KAT6A: variants seen among roughly 807,000 people sequenced by gnomAD.
The protein encoded by KAT6A is histone acetyltransferase KAT6A.
KAT6A carries 9 observed loss-of-function variants against 198.4 expected under a neutral mutation model. That is an observed-to-expected ratio of 0.05 (90% CI 0.03 to 0.08). KAT6A has a LOEUF of 0.08. Ranked by LOEUF, KAT6A falls within the 10% of genes least tolerant of loss-of-function variation. The pLI is 1.00. For synonymous variants in KAT6A, 890 were observed against 883.0 expected (o/e 1.01, Z -0.14); for missense variants, 2,077 against 2,509.9 (o/e 0.83, Z 3.69).
intron 8 of KAT6A, among the ~76,000 whole-genome samples, chr8:41,962,301 T>C (rs936333046): frequency 1.3e-5 from 2 of 152,124 alleles, no homozygotes; most frequent in African/African-American, 4.8e-5. Flanking sequence ...CATATCCCAC[T>C]ATCTACTTGA....
At chr8:42,007,949 G>A (rs796801129) in intron 2 of KAT6A, among the ~76,000 whole-genome samples, 10 of 117,774 alleles carry the variant, frequency 8.5e-5, no homozygotes, top group African/African-American at 3.6e-4. Context: ...GCGACAGAGC[G>A]AGACTCCGTC....
chr8:41,970,101 ATCTG>A (rs139991454), intron 8 of KAT6A, among the ~76,000 whole-genome samples: 35,955 of 151,942 alleles, frequency 0.24, 4,964 homozygotes, highest in Middle Eastern at 0.43. Flanking sequence ...AGTGTTTATT[ATCTG>A]TCTGTTTGTG....
intron 8 of KAT6A, among the ~76,000 whole-genome samples, chr8:41,966,475 G>C (rs76164429): frequency 0.1 from 15,871 of 151,984 alleles, 1,063 homozygotes; most frequent in East Asian, 0.24. Context: ...ATCTTGGAGC[G>C]TATCACTGGT....
chr8:41,946,489 T>TACACAC (rs1418229529), intron 12 of KAT6A, 102 bp downstream of exon 12: 5 of 453,762 alleles, frequency 1.1e-5, no homozygotes, highest in Non-Finnish European at 1.9e-5. Flanking sequence ...TAAATATATA[T>TACACAC]ATATACACAC....
At chr8:41,970,690 AATACCATTTGACCCAGTC>A (rs1469305245) in intron 8 of KAT6A, among the ~76,000 whole-genome samples, 1 of 152,200 alleles carries the variant, frequency 6.6e-6, no homozygotes, top group African/African-American at 2.4e-5. Context: ...TAGAACTAGA[AATACCATTTGACCCAGTC>A]ATCCCATTAC....
intron 8 of KAT6A, 32 bp from the exon 9 acceptor site, chr8:41,955,443 G>A (rs762009692): frequency 2.9e-6 from 4 of 1,365,976 alleles, no homozygotes; most frequent in Non-Finnish European, 3.1e-6. Flanking sequence ...TCAAAAGTTA[G>A]CTAAATTAGA....
At position 41,929,868 on chromosome 8, in the gene KAT6A, GGAAT is replaced by G. The variant is rs1342998433; in HGVS notation, c.*2333_*2336del. On this transcript the variant is annotated 3_prime_UTR_variant, in exon 17 of 17. Coordinates refer to ENST00000265713, the MANE Select transcript of KAT6A (RefSeq NM_006766.5). ...AACAAAGATAAAAAATTTTAAAGATGGAATGAAATGAAAAAGCTCTTATTTTAAA... is the reference window on the plus strand; with the variant it reads ...AACAAAGATAAAAAATTTTAAAGATGGAAATGAAAAAGCTCTTATTTTAAA... The G allele has an allele frequency of 4.9e-6, 1 of 205,050 alleles. No homozygotes were observed. The highest frequency in any genetic ancestry group is 1.0e-5 in the Non-Finnish European group (1 of 100,414). 12.7% of individuals were successfully genotyped at this position (205,050 alleles called of 1,614,324 possible). A position where few individuals can be genotyped will look rare whatever the true frequency, so the allele number is the denominator to read the frequency against.
In KAT6A at chr8:41,942,886, C is replaced by A. The variant is rs964302460; in HGVS notation, c.2343G>T (p.Val781=). The A allele has an allele frequency of 6.2e-7, 1 of 1,614,050 alleles. No individual in the cohort carries two copies. Among genetic ancestry groups the A allele is most frequent in the Non-Finnish European group, 8.5e-7 (1 of 1,180,036 alleles). ...PECLRWTPVI[V]SNSVVSEEEE... Reference sequence around the variant, plus strand: ...CCTCCTCTGAGACCACAGAGTTGGACACTATGACTGGAGTCCAGCGCAAAC... The same window carrying A: ...CCTCCTCTGAGACCACAGAGTTGGAAACTATGACTGGAGTCCAGCGCAAAC... Residue 781 remains valine, a synonymous_variant, in exon 14 of 17, where the codon GTG becomes GTT. Coordinates refer to ENST00000265713, the MANE Select transcript of KAT6A (RefSeq NM_006766.5).
chr8:41,975,487 T>C (rs1824007393), intron 7 of KAT6A, among the ~76,000 whole-genome samples: 1 of 152,198 alleles, frequency 6.6e-6, no homozygotes, highest in African/African-American at 2.4e-5. Flanking sequence ...GCTCTCTTTA[T>C]AAGTATGGCT....
At chr8:42,024,861 G>A (rs1358183805) in intron 2 of KAT6A, among the ~76,000 whole-genome samples, 1 of 152,060 alleles carries the variant, frequency 6.6e-6, no homozygotes, top group Admixed American at 6.6e-5. Context: ...TAGATACTTA[G>A]GTTGATTCCA....
intron 2 of KAT6A, among the ~76,000 whole-genome samples, chr8:42,024,913 T>A (rs1326607876): frequency 2.0e-5 from 3 of 152,136 alleles, no homozygotes; most frequent in Non-Finnish European, 4.4e-5. Context: ...AATATGGGGG[T>A]ATAAGTATCC....
intron 8 of KAT6A, chr8:41,957,203 T>C (rs754500487): frequency 2.1e-5 from 12 of 584,148 alleles, no homozygotes; most frequent in South Asian, 6.9e-5. Context: ...GGACCTGTGG[T>C]AGGTTCCCCT....
At chr8:41,964,132 T>G (rs1823341751) in intron 8 of KAT6A, among the ~76,000 whole-genome samples, 1 of 152,194 alleles carries the variant, frequency 6.6e-6, no homozygotes, top group African/African-American at 2.4e-5. Flanking sequence ...AATTAAGCAG[T>G]TAAGGCCATG....
chr8:42,046,856 T>G (rs79125012), intron 2 of KAT6A, among the ~76,000 whole-genome samples: 1 of 152,240 alleles, frequency 6.6e-6, no homozygotes, highest in South Asian at 2.1e-4. Context: ...TCTCTATCAA[T>G]TCATGACTGT....
intron 1 of KAT6A, among the ~76,000 whole-genome samples, chr8:42,050,541 G>A (rs1339781606): frequency 2.6e-5 from 4 of 152,142 alleles, no homozygotes; most frequent in Non-Finnish European, 4.4e-5. Flanking sequence ...TATTAACTCT[G>A]ATAGGAAAGA....
At chr8:41,943,580 T>C (rs1296755667) in intron 13 of KAT6A, among the ~76,000 whole-genome samples, 168 bp downstream of exon 13, 5 of 152,082 alleles carry the variant, frequency 3.3e-5, no homozygotes, top group Non-Finnish European at 4.4e-5. Context: ...ATAGACCATA[T>C]ATATAGTCAA....
chr8:41,978,825 ACT>A (rs1824203216), intron 5 of KAT6A, 48 bp from the exon 6 acceptor site: 1 of 1,563,268 alleles, frequency 6.4e-7, no homozygotes, highest in Non-Finnish European at 8.8e-7. Flanking sequence ...ACATAAATAC[ACT>A]GAAAGGTTTC....
chr8:42,036,168 GA>G (rs1048051954), intron 2 of KAT6A, among the ~76,000 whole-genome samples: 9 of 151,628 alleles, frequency 5.9e-5, no homozygotes, highest in Non-Finnish European at 1.0e-4. Flanking sequence ...CTGAAAATGA[GA>G]AAAAAAGGTG....
chr8:42,031,910 C>T (rs189437377), intron 2 of KAT6A, among the ~76,000 whole-genome samples: 147 of 150,760 alleles, frequency 9.8e-4, no homozygotes, highest in African/African-American at 3.4e-3. Context: ...GGATTACAGG[C>T]GTGAGCCACC....
Sources: gnomAD v4.1 joint callset for allele counts (sites outside exome capture counted in the v4.1 genomes callset) on GRCh38, gnomAD v4.1.1 for gene constraint, MANE v1.5 for transcripts, NCBI Gene and HGNC (gene_info 2026-07-23, HGNC 2026-07-21) for gene names.